Variants in FBLN7 observed in about 807,000 individuals in gnomAD.
FBLN7 encodes the protein fibulin 7.
A neutral mutation model predicts 44.0 loss-of-function variants in FBLN7; 31 were observed. That is an observed-to-expected ratio of 0.70 (90% confidence interval 0.53 to 0.95). The LOEUF is 0.95. Ranked by LOEUF, FBLN7 falls within the 40% of genes least tolerant of loss-of-function variation. The pLI is 0.00. For synonymous variants in FBLN7, 262 were observed against 253.4 expected (o/e 1.03, Z -0.32); for missense variants, 573 against 618.5 (o/e 0.93, Z 0.78).
chr2:112,196,047 C>T, the FBLN7 span, among the ~76,000 whole-genome samples: 1 of 152,232 alleles, frequency 6.6e-6, no homozygotes, highest in Non-Finnish European at 1.5e-5. Flanking sequence ...AGTTCTCTCT[C>T]CTCTCATATG....
At chr2:112,174,640 A>G (rs1463787071) in intron 3 of FBLN7, among the ~76,000 whole-genome samples, 3 of 152,240 alleles carry the variant, frequency 2.0e-5, no homozygotes, top group Admixed American at 6.5e-5. Flanking sequence ...ATTTCTGTGC[A>G]CTAAAACTGG....
intron 2 of FBLN7, among the ~76,000 whole-genome samples, chr2:112,164,296 C>G (rs1322640243): frequency 6.6e-6 from 1 of 152,188 alleles, no homozygotes. Context: ...ATCCAGTATT[C>G]ACTATGTGCC....
chr2:112,151,157 G>C (rs552495549), intron 1 of FBLN7: 1 of 152,424 alleles, frequency 6.6e-6, no homozygotes, highest in South Asian at 2.1e-4. Flanking sequence ...GATTCCACTG[G>C]CAGAACGGAT....
intron 2 of FBLN7, 89 bp from the exon 3 acceptor site, chr2:112,164,912 C>T (rs1215470013): frequency 1.4e-6 from 2 of 1,448,508 alleles, no homozygotes; most frequent in East Asian, 2.4e-5. Flanking sequence ...ACAGAGGGCA[C>T]TTCGAGATGG....
At chr2:112,210,417 A>T in the FBLN7 span, among the ~76,000 whole-genome samples, 2 of 152,112 alleles carry the variant, frequency 1.3e-5, no homozygotes, top group Non-Finnish European at 2.9e-5. Context: ...GCACTTTGGG[A>T]GGCCAAGACA....
the FBLN7 span, among the ~76,000 whole-genome samples, chr2:112,195,465 A>G: frequency 6.6e-6 from 1 of 152,144 alleles, no homozygotes; most frequent in Non-Finnish European, 1.5e-5. Flanking sequence ...CACCTGACCC[A>G]GGCAAACCTC....
intron 1 of FBLN7, among the ~76,000 whole-genome samples, chr2:112,144,586 G>A (rs1324516752): frequency 4.7e-5 from 7 of 147,702 alleles, no homozygotes; most frequent in Admixed American, 6.8e-5. Flanking sequence ...GTGCAGTGGC[G>A]TGATCTTGGC....
At chr2:112,233,172 T>C in the FBLN7 span, 1 of 818,430 alleles carries the variant, frequency 1.2e-6, no homozygotes, top group Admixed American at 3.4e-5. Flanking sequence ...TTGGTATACC[T>C]AAAACACTGG....
intron 2 of FBLN7, among the ~76,000 whole-genome samples, chr2:112,160,728 GCA>G (rs1558879852): frequency 3.5e-4 from 40 of 114,604 alleles, no homozygotes; most frequent in Middle Eastern, 5.1e-3. Context: ...ACGCGCACAC[GCA>G]CGCACACGCA....
chr2:112,230,827 C>A, the FBLN7 span: 1 of 908,260 alleles, frequency 1.1e-6, no homozygotes, highest in Non-Finnish European at 1.5e-6. Context: ...TATTTGAGAA[C>A]CCTATTGAGG....
At chr2:112,169,069 A>C (rs1414845285) in intron 3 of FBLN7, among the ~76,000 whole-genome samples, 1 of 152,210 alleles carries the variant, frequency 6.6e-6, no homozygotes, top group East Asian at 1.9e-4. Context: ...TCAGGAGTTC[A>C]AGACCAGCCT....
the FBLN7 span, among the ~76,000 whole-genome samples, chr2:112,211,352 A>C: frequency 5.3e-5 from 8 of 152,282 alleles, no homozygotes; most frequent in African/African-American, 1.9e-4. Flanking sequence ...TAATGCCCAC[A>C]TCCAAGAGGA....
intron 2 of FBLN7, 105 bp from the exon 3 acceptor site, chr2:112,164,896 C>A: frequency 2.4e-6 from 3 of 1,239,686 alleles, no homozygotes; most frequent in East Asian, 2.5e-5. Flanking sequence ...CTGCAGCAGG[C>A]ATGCAACAGA....
At chr2:112,216,683 C>CAAA in the FBLN7 span, among the ~76,000 whole-genome samples, 26,164 of 120,454 alleles carry the variant, frequency 0.22, 2,886 homozygotes, top group East Asian at 0.36. Context: ...AGAACTGAAG[C>CAAA]AAAAAAAAAA....
chr2:112,216,093 T>G, the FBLN7 span: 2 of 152,184 alleles, frequency 1.3e-5, no homozygotes, highest in African/African-American at 4.8e-5. Flanking sequence ...TCCGAGCAGT[T>G]CTCTCTCCTC....
rs1413911440 is a variant in FBLN7, at chr2:112,175,742, T to C, written c.435T>C (p.Cys145=). 6.2e-7 allele frequency: 1 copy of C among 1,614,212 alleles called. No homozygotes were observed. Among genetic ancestry groups the C allele is most frequent in the Non-Finnish European group, 8.5e-7 (1 of 1,180,026 alleles). The change falls in exon 4 of 8, where the codon TGT becomes TGC. Residue 145 remains cysteine (C), a synonymous_variant. Coordinates refer to ENST00000331203, the MANE Select transcript of FBLN7 (RefSeq NM_153214.3). ...RGISECSSQP[C]QNGGTCVEGV... ...TCAGTGAATGCTCCAGCCAGCCTTGTCAAAATGGTGGTACATGTGTAGAAG... is the reference window on the plus strand; with the variant it reads ...TCAGTGAATGCTCCAGCCAGCCTTGCCAAAATGGTGGTACATGTGTAGAAG...
the FBLN7 span, among the ~76,000 whole-genome samples, chr2:112,201,155 G>A: frequency 1.2e-4 from 19 of 152,350 alleles, no homozygotes; most frequent in African/African-American, 4.6e-4. Flanking sequence ...TCTGACAACA[G>A]AGGAAATGTG....
chr2:112,187,293 C>T lies in FBLN7; in HGVS notation c.1107C>T (p.Asn369=), dbSNP rs1217330812. The change falls in exon 8 of 8, where the codon AAC becomes AAT. Residue 369 remains asparagine (N), a synonymous_variant. Transcript: ENST00000331203. This position sits in a 1 kb window ranked among gnomAD's most constrained non-coding sequence, Gnocchi z 5.1. ...CTGCCCCCGGCCGAGCTGGGCCCAA[C>T]AGCCTGCGGTTTGGGATCGTGGGTG... ...TASAPGRAGP[N]SLRFGIVGGN... 1 of 1,614,164 alleles carries T rather than the reference C, an allele frequency of 6.2e-7. No individual in the cohort carries two copies. Among genetic ancestry groups the T allele is most frequent in the Non-Finnish European group, 8.5e-7 (1 of 1,180,038 alleles).
At chr2:112,219,576 A>C in the FBLN7 span, among the ~76,000 whole-genome samples, 1 of 152,180 alleles carries the variant, frequency 6.6e-6, no homozygotes, top group Non-Finnish European at 1.5e-5. Context: ...GTAATTGTAT[A>C]GTTTTGAGCG....
Sources: gnomAD v4.1 joint callset for allele counts (sites outside exome capture counted in the v4.1 genomes callset) on GRCh38, gnomAD v4.1.1 for gene constraint, Gnocchi (gnomAD v3.1) non-coding constraint, MANE v1.5 for transcripts, NCBI Gene and HGNC (gene_info 2026-07-23, HGNC 2026-07-21) for gene names.